Variants in PPP1R3B observed in about 807,000 individuals in gnomAD.
PPP1R3B encodes the protein protein phosphatase 1 regulatory subunit 3B.
A neutral mutation model predicts 14.6 loss-of-function variants in PPP1R3B; 8 were observed. The ratio of observed to expected loss-of-function variants is 0.55; its 90% CI spans 0.32 to 0.99. The LOEUF (loss-of-function observed/expected upper bound fraction) is 0.99. Ranked by LOEUF, PPP1R3B falls within the 50% of genes least tolerant of loss-of-function variation. PPP1R3B has a pLI of 0.04. For missense variants in PPP1R3B, 452 were observed against 360.1 expected (o/e 1.26, Z -2.07); for synonymous variants, 169 against 142.0 (o/e 1.19, Z -1.35).
rs1045669145 is a variant in PPP1R3B, at chr8:9,136,288, T to G, written c.*4506A>C. On this transcript the variant is annotated 3_prime_UTR_variant, in exon 2 of 2. Transcript: ENST00000310455. ...TGTCTTCCTTTATTACATTTTTGCTTTTGAGATACAAACCAACCTCTCATA... is the reference window on the plus strand; with the variant it reads ...TGTCTTCCTTTATTACATTTTTGCTGTTGAGATACAAACCAACCTCTCATA... The G allele has an allele frequency of 2.6e-5, 4 of 152,240 alleles. No homozygotes were observed. Among genetic ancestry groups the G allele is most frequent in the Non-Finnish European group, 4.4e-5 (3 of 68,024 alleles). 9.4% of individuals were successfully genotyped at this position (152,240 alleles called of 1,614,324 possible).
In PPP1R3B at chr8:9,140,911, G is replaced by T. The variant is rs190026445; in HGVS notation, c.741C>A (p.His247Gln). Residue 247 changes from histidine (H) to glutamine (Q), a missense_variant, in exon 2 of 2, where the codon CAC (histidine) becomes CAA (glutamine). By Grantham distance (24) the His-to-Gln change is conservative. Coordinates refer to ENST00000310455, the MANE Select transcript of PPP1R3B (RefSeq NM_024607.4). The part of the protein sequence containing the change: ...LKSTQGMTKP[H>Q]SGPDLGISFD... ...AGGATATTCCCAAATCCGGTCCACT[G>T]TGGGGCTTGGTCATTCCCTGGGTAG... The T allele has an allele frequency of 6.2e-7, 1 of 1,614,222 alleles. No homozygotes were observed. The highest frequency in any genetic ancestry group is 2.2e-5 in the East Asian group (1 of 44,886).
chr8:9,150,995 C>T (rs529392000), upstream of PPP1R3B, among the ~76,000 whole-genome samples: 1 of 152,230 alleles, frequency 6.6e-6, no homozygotes, highest in African/African-American at 2.4e-5. Context: ...CCAGACCTCT[C>T]GGGACCCGGG....
chr8:9,151,073 A>C (rs1801415667), upstream of PPP1R3B, among the ~76,000 whole-genome samples: 1 of 152,062 alleles, frequency 6.6e-6, no homozygotes, highest in Admixed American at 6.5e-5. Flanking sequence ...CCGCAGCCGC[A>C]GCTCCCGGGT....
rs371465797 is a variant in PPP1R3B at position 9,147,044 on chromosome 8, G to A, written c.-18+3519C>T. On this transcript the variant is annotated intron_variant, in intron 1 of 1. Coordinates refer to ENST00000310455, the MANE Select transcript of PPP1R3B (RefSeq NM_024607.4). ...GTTGCCCAGGCTGGAGTGCCGTGGC[G>A]CAATCTCAGCTCACTGCAACCTCTG... Among the ~76,000 whole-genome samples the A allele has an allele frequency of 1.9e-3, 287 of 151,518 alleles. 2 individuals carry two copies. The highest frequency in any genetic ancestry group is 6.8e-3 in the Middle Eastern group (2 of 294).
chr8:9,147,019 G>C (rs765493038), intron 1 of PPP1R3B, among the ~76,000 whole-genome samples: 1 of 150,144 alleles, frequency 6.7e-6, no homozygotes, highest in Non-Finnish European at 1.5e-5. Flanking sequence ...GTCTTGCTCT[G>C]TTGCCCAGGC....
intron 1 of PPP1R3B, among the ~76,000 whole-genome samples, chr8:9,144,414 G>A (rs1801172589): frequency 1.3e-5 from 2 of 151,654 alleles, no homozygotes; most frequent in African/African-American, 4.8e-5. Context: ...GACCAGTCTT[G>A]AATTCCTGGA....
chr8:9,149,397 G>A (rs1410307073), intron 1 of PPP1R3B, among the ~76,000 whole-genome samples: 1 of 151,472 alleles, frequency 6.6e-6, no homozygotes, highest in Non-Finnish European at 1.5e-5. Flanking sequence ...CAGCTACTCA[G>A]GAGGCCGAGG....
At position 9,140,642 on chromosome 8, in the gene PPP1R3B, TAAGA is replaced by T. The variant is rs1456843166; in HGVS notation, c.*148_*151del. The stretch of plus-strand genomic sequence containing the variant: ...TCTGAACCTGGCTGGATTTGCTGTT[TAAGA>T]AAGAAGTGAAGAGGATCCTTTTATT... On this transcript the variant is annotated 3_prime_UTR_variant, in exon 2 of 2. Transcript: ENST00000310455. The T allele has an allele frequency of 1.0e-5, 8 of 776,490 alleles. No individual in the cohort carries two copies. Among genetic ancestry groups the T allele is most frequent in the Non-Finnish European group, 1.6e-5 (8 of 497,150 alleles). 48.1% of individuals were successfully genotyped at this position (776,490 alleles called of 1,614,324 possible). A position where few individuals can be genotyped will look rare whatever the true frequency, so the allele number is the denominator to read the frequency against.
chr8:9,146,262 A>G (rs1801237143), intron 1 of PPP1R3B, among the ~76,000 whole-genome samples: 1 of 152,208 alleles, frequency 6.6e-6, no homozygotes, highest in Non-Finnish European at 1.5e-5. Flanking sequence ...ATCACAGAAC[A>G]CAGGATCTGG....
Position 9,136,768 on chromosome 8 carries a change from G to A in PPP1R3B, c.*4026C>T, listed in dbSNP as rs907862680. The A allele has an allele frequency of 4.6e-5, 7 of 152,206 alleles. No homozygotes were observed. The highest frequency in any genetic ancestry group is 1.0e-4 in the Non-Finnish European group (7 of 68,028). 9.4% of individuals were successfully genotyped at this position (152,206 alleles called of 1,614,324 possible). A position where few individuals can be genotyped will look rare whatever the true frequency, so the allele number is the denominator to read the frequency against. ...TTTCAGTGAACATGTCAGGAGAGAC[G>A]TGATCGGGACTCTCCCAGGACTACA... On this transcript the variant is annotated 3_prime_UTR_variant, in exon 2 of 2. Coordinates refer to ENST00000310455, the MANE Select transcript of PPP1R3B (RefSeq NM_024607.4).
Position 9,141,343 on chromosome 8 carries a change from C to A in PPP1R3B, c.309G>T (p.Thr103=). Residue 103 remains threonine, a synonymous_variant, in exon 2 of 2, where the codon ACG becomes ACT. Coordinates refer to ENST00000310455, the MANE Select transcript of PPP1R3B (RefSeq NM_024607.4). ...TELLDNIVSL[T]TAESESFVLD... is the part of the protein sequence containing the mutation. ...GAACAAAGCTCTCGCTCTCTGCTGT[C>A]GTCAAGCTCACAATGTTGTCTAGGA... 6.2e-7 allele frequency: 1 copy of A among 1,614,190 alleles called. No individual in the cohort carries two copies. The highest frequency in any genetic ancestry group is 1.1e-5 in the South Asian group (1 of 91,068).
At chr8:9,148,011 G>C (rs537490623) in intron 1 of PPP1R3B, among the ~76,000 whole-genome samples, 6 of 152,138 alleles carry the variant, frequency 3.9e-5, no homozygotes, top group Admixed American at 6.5e-5. Context: ...TGACTCGACT[G>C]TCAGTCACCT....
chr8:9,141,671 A>G lies in PPP1R3B; in HGVS notation c.-17-3T>C. The G allele has an allele frequency of 1.2e-6, 2 of 1,603,570 alleles. No homozygotes were observed. Among genetic ancestry groups the G allele is most frequent in the Non-Finnish European group, 1.7e-6 (2 of 1,172,476 alleles). On this transcript the variant is annotated splice_polypyrimidine_tract_variant and splice_region_variant and intron_variant, in intron 1 of 1. Coordinates refer to ENST00000310455, the MANE Select transcript of PPP1R3B (RefSeq NM_024607.4). ...CATCATGGGGCTAGATGAACAGGCT[A>G]GAACCGTGGAAAGGGAAGAGAAGAA...
Position 9,137,937 on chromosome 8 carries a change from G to A in PPP1R3B, c.*2857C>T, listed in dbSNP as rs909559378. ...GTTTACGGCTGCTTTAGAAGAGATA[G>A]TTATCACTGAATTACCATATTTCAA... is the stretch of plus-strand genomic sequence containing the variant. On this transcript the variant is annotated 3_prime_UTR_variant, in exon 2 of 2. Coordinates refer to ENST00000310455, the MANE Select transcript of PPP1R3B (RefSeq NM_024607.4). 4 of 152,136 alleles carry A rather than the reference G, an allele frequency of 2.6e-5. No homozygotes were observed. Among genetic ancestry groups the A allele is most frequent in the African/African-American group, 4.8e-5 (2 of 41,418 alleles). The allele number at this position is 152,136 out of a possible 1,614,324, so 9.4% of individuals were successfully genotyped here.
At chr8:9,148,361 A>G (rs897076779) in intron 1 of PPP1R3B, among the ~76,000 whole-genome samples, 3 of 152,136 alleles carry the variant, frequency 2.0e-5, no homozygotes, top group African/African-American at 7.2e-5. Context: ...AGGCCAGGGA[A>G]TATGAGTCAC....
At position 9,141,088 on chromosome 8, in the gene PPP1R3B, G is replaced by T. The variant is rs1801065029; in HGVS notation, c.564C>A (p.Asp188Glu). 1 of 1,614,014 alleles carries T rather than the reference G, an allele frequency of 6.2e-7. No individual in the cohort carries two copies. ...TGATGTCGAAGGAGAACGTGTCCCT[G>T]TCTGAACCGGCATAAGTGTCCTTCA... ...QYVKDTYAGSDRDTFSFDISL... is the reference protein window; with the variant it reads ...QYVKDTYAGSERDTFSFDISL... The change falls in exon 2 of 2, where the codon GAC becomes GAA. Residue 188 changes from aspartate to glutamate, a missense_variant. Physicochemically the swap from Asp to Glu is conservative, Grantham distance 45. Coordinates refer to ENST00000310455, the MANE Select transcript of PPP1R3B (RefSeq NM_024607.4).
At chr8:9,141,999 C>T (rs1310654888) in intron 1 of PPP1R3B, among the ~76,000 whole-genome samples, 2 of 152,184 alleles carry the variant, frequency 1.3e-5, no homozygotes, top group African/African-American at 4.8e-5. Flanking sequence ...AAATGTGCCA[C>T]AGAGGATAAT....
In PPP1R3B at chr8:9,141,429, T is replaced by C; in HGVS notation, c.223A>G (p.Met75Val). ...FADNQGLALTMVKVFSEFDDP... is the reference protein window; with the variant it reads ...FADNQGLALTVVKVFSEFDDP... ...TCGAATTCCGAGAACACTTTGACCA[T>C]TGTCAGGGCCAGCCCCTGGTTGTCT... The change falls in exon 2 of 2, where the codon ATG becomes GTG. Residue 75 changes from methionine to valine, a missense_variant. Met to Val is a conservative substitution (Grantham distance 21, BLOSUM62 1). Transcript: ENST00000310455. 4.3e-6 allele frequency: 7 copies of C among 1,614,156 alleles called. No individual in the cohort carries two copies. The highest frequency in any genetic ancestry group is 4.2e-6 in the Non-Finnish European group (5 of 1,180,032).
chr8:9,144,189 T>C (rs1165222151), intron 1 of PPP1R3B, among the ~76,000 whole-genome samples: 2 of 150,922 alleles, frequency 1.3e-5, no homozygotes, highest in East Asian at 1.9e-4. Context: ...GTTTTTCTTT[T>C]TTTTTTTTTT....
Sources: gnomAD v4.1 joint callset for allele counts (sites outside exome capture counted in the v4.1 genomes callset) on GRCh38, gnomAD v4.1.1 for gene constraint, MANE v1.5 for transcripts, NCBI Gene and HGNC (gene_info 2026-07-23, HGNC 2026-07-21) for gene names.